RSU1: variants seen among roughly 807,000 people sequenced by gnomAD.
RSU1 encodes the protein rsu-1.
Under a neutral mutation model 31.1 loss-of-function variants are expected in RSU1, and 26 were observed. The observed-to-expected ratio is 0.84, with a 90% CI of 0.61 to 1.16. RSU1 has a LOEUF of 1.16. Ranked by LOEUF, RSU1 falls within the 50% of genes most tolerant of loss-of-function variation. RSU1 has a pLI of 0.00. For synonymous variants in RSU1, 164 were observed against 136.3 expected, an observed-to-expected ratio of 1.20 and a Z score of -1.41; for missense variants, 320 against 339.1, an observed-to-expected ratio of 0.94 and a Z score of 0.44.
intron 8 of RSU1, among the ~76,000 whole-genome samples, chr10:16,665,238 C>A (rs1349389959): frequency 1.3e-5 from 2 of 152,108 alleles, no homozygotes; most frequent in East Asian, 3.9e-4. Context: ...AGCCACCACA[C>A]CTGGTCACGT....
At chr10:16,719,672 T>C (rs1032379576) in intron 7 of RSU1, among the ~76,000 whole-genome samples, 2 of 152,230 alleles carry the variant, frequency 1.3e-5, no homozygotes, top group Admixed American at 6.5e-5. Flanking sequence ...ACTGTAAGCC[T>C]CATGGGCACA....
intron 8 of RSU1, among the ~76,000 whole-genome samples, chr10:16,632,185 A>G (rs1834263100): frequency 1.3e-5 from 2 of 152,192 alleles, no homozygotes; most frequent in South Asian, 2.1e-4. Flanking sequence ...TTTTTTCAAA[A>G]AAAATATTTT....
chr10:16,746,439 C>A (rs1205532491), intron 7 of RSU1, among the ~76,000 whole-genome samples: 1 of 151,956 alleles, frequency 6.6e-6, no homozygotes, highest in Admixed American at 6.6e-5. Context: ...GTAACAAATG[C>A]GGGACAAGAG....
intron 8 of RSU1, among the ~76,000 whole-genome samples, chr10:16,654,361 CAAAAA>C (rs536600415): frequency 1.1e-5 from 1 of 92,286 alleles, no homozygotes; most frequent in African/African-American, 3.8e-5. Flanking sequence ...CCTAAATTTG[CAAAAA>C]AAAAAAAAAA....
intron 2 of RSU1, among the ~76,000 whole-genome samples, chr10:16,807,191 C>A (rs977679847): frequency 2.6e-5 from 4 of 152,228 alleles, no homozygotes; most frequent in African/African-American, 9.6e-5. Flanking sequence ...TCCTGAAAAA[C>A]TAAGAGGCGA....
intron 8 of RSU1, among the ~76,000 whole-genome samples, chr10:16,656,184 A>AT (rs1283294252): frequency 1.2e-4 from 19 of 152,146 alleles, no homozygotes; most frequent in Non-Finnish European, 2.5e-4. Context: ...CAATCCTACC[A>AT]CTTAAGAAAA....
intron 8 of RSU1, among the ~76,000 whole-genome samples, chr10:16,694,078 T>TA (rs1835623863): frequency 6.6e-6 from 1 of 152,054 alleles, no homozygotes; most frequent in Non-Finnish European, 1.5e-5. Context: ...ACGGTACATA[T>TA]AACAACAGAA....
chr10:16,610,775 G>A (rs1221667555), intron 8 of RSU1, among the ~76,000 whole-genome samples: 3 of 152,012 alleles, frequency 2.0e-5, no homozygotes, highest in Non-Finnish European at 2.9e-5. Context: ...CCATCTCCCC[G>A]CAACCCTGCT....
intron 8 of RSU1, among the ~76,000 whole-genome samples, chr10:16,640,500 A>T (rs140478469): frequency 1.3e-5 from 2 of 152,204 alleles, no homozygotes; most frequent in Admixed American, 6.5e-5. Context: ...CACATTTGCT[A>T]CTAGAGGATA....
chr10:16,753,059 T>A, intron 5 of RSU1, 59 bp from the exon 6 acceptor site: 19 of 1,344,878 alleles, frequency 1.4e-5, no homozygotes, highest in Non-Finnish European at 2.0e-5. Context: ...ATTTGAGGTC[T>A]GATCAATACG....
chr10:16,817,177 A>T, intron 1 of RSU1, 93 bp from the exon 2 acceptor site: 8 of 848,980 alleles, frequency 9.4e-6, no homozygotes, highest in African/African-American at 3.5e-5. Context: ...AGGCTTCCCC[A>T]GGGTTGGAGC....
chr10:16,793,713 G>A (rs1837973215), intron 2 of RSU1, among the ~76,000 whole-genome samples: 1 of 152,034 alleles, frequency 6.6e-6, no homozygotes, highest in Non-Finnish European at 1.5e-5. Flanking sequence ...GTACTTCTTT[G>A]GTGGGACAGG....
intron 8 of RSU1, among the ~76,000 whole-genome samples, chr10:16,693,174 A>G (rs1378760480): frequency 6.6e-6 from 1 of 152,120 alleles, no homozygotes; most frequent in Non-Finnish European, 1.5e-5. Context: ...GCTGATCTCA[A>G]ACTCCTGACC....
intron 8 of RSU1, among the ~76,000 whole-genome samples, chr10:16,612,080 T>C (rs1393278380): frequency 6.6e-6 from 1 of 152,156 alleles, no homozygotes; most frequent in Non-Finnish European, 1.5e-5. Context: ...GCTCAGCAGG[T>C]ATCAAACAGG....
At chr10:16,686,410 G>T (rs989149985) in intron 8 of RSU1, among the ~76,000 whole-genome samples, 10 of 152,178 alleles carry the variant, frequency 6.6e-5, no homozygotes, top group Admixed American at 2.0e-4. Flanking sequence ...TTTCACTTCA[G>T]TGAGGTCAAT....
rs572347762 is a variant in RSU1, at chr10:16,664,303, G to C, written c.731+30720C>G. Among the ~76,000 whole-genome samples, 13 of 152,256 alleles carry C rather than the reference G, an allele frequency of 8.5e-5. No individual in the cohort carries two copies. The South Asian group carries it at 2.7e-3, about 32-fold the overall frequency. On this transcript the variant is annotated intron_variant, in intron 8 of 8. Transcript: ENST00000345264. The stretch of plus-strand genomic sequence containing the variant: ...CCCAATGAGGAATTCAGGGAGAGCT[G>C]CTCACACGCACTGATGATGGCTCTA...
intron 8 of RSU1, among the ~76,000 whole-genome samples, chr10:16,651,556 A>C (rs1834684101): frequency 6.6e-6 from 1 of 152,264 alleles, no homozygotes; most frequent in African/African-American, 2.4e-5. Context: ...ATTTACAGCA[A>C]ATAGTGACAG....
At chr10:16,815,265 T>C (rs753631867) in intron 2 of RSU1, among the ~76,000 whole-genome samples, 3 of 152,218 alleles carry the variant, frequency 2.0e-5, no homozygotes, top group Non-Finnish European at 2.9e-5. Context: ...CAACCTAAGT[T>C]TAATGGCACG....
At chr10:16,695,335 C>G (rs1004257284) in intron 7 of RSU1, among the ~76,000 whole-genome samples, 180 bp from the exon 8 acceptor site, 12 of 151,970 alleles carry the variant, frequency 7.9e-5, no homozygotes, top group African/African-American at 2.9e-4. Flanking sequence ...CATGACAGTA[C>G]CTTGGCCCCA....
Sources: allele counts gnomAD v4.1 joint callset (sites outside exome capture counted in the v4.1 genomes callset), GRCh38; gene constraint gnomAD v4.1.1; transcripts MANE v1.5; gene names NCBI Gene and HGNC (gene_info 2026-07-23, HGNC 2026-07-21).